The following CFAP70 variants were observed in gnomAD, a reference collection of about 807,000 sequenced individuals.
CFAP70 encodes cilia and flagella associated protein 70.
CFAP70 carries 81 observed loss-of-function variants against 137.6 expected under a neutral mutation model. The ratio of observed to expected loss-of-function variants is 0.59; its 90% CI spans 0.49 to 0.71. The LOEUF (loss-of-function observed/expected upper bound fraction) is 0.71, where lower values mean the gene tolerates loss of function less well. CFAP70 is among the 30% of genes least tolerant of loss of function. The pLI is 0.00. For missense variants in CFAP70, 976 were observed against 1,226.7 expected, an observed-to-expected ratio of 0.80 and a Z score of 3.05; for synonymous variants, 382 against 423.6, an observed-to-expected ratio of 0.90 and a Z score of 1.20.
Position 73,254,067 on chromosome 10 carries a change from A to G in CFAP70, c.3076-12T>C. ...TCTTTCAATTTCAGCTACATGAAAG[A>G]GGAAGAAAGGGAAAGATATATGTCA... On this transcript the variant is annotated splice_polypyrimidine_tract_variant and intron_variant, in intron 26 of 26. Coordinates refer to ENST00000310715, the Ensembl canonical transcript of CFAP70. 6.3e-7 allele frequency: 1 copy of G among 1,586,218 alleles called. No individual in the cohort carries two copies. The highest frequency in any genetic ancestry group is 8.6e-7 in the Non-Finnish European group (1 of 1,158,840).
At chr10:73,336,644 CGCGA>C (rs2052698318) in intron 6 of CFAP70, among the ~76,000 whole-genome samples, 1 of 139,814 alleles carries the variant, frequency 7.2e-6, no homozygotes, top group Non-Finnish European at 1.5e-5. Context: ...AGTGCAGTGG[CGCGA>C]TCTCGGCTCA....
chr10:73,279,521 C>CTCAA (rs1224302945), intron 19 of CFAP70, among the ~76,000 whole-genome samples: 7 of 108,234 alleles, frequency 6.5e-5, no homozygotes, highest in Admixed American at 1.2e-4. Context: ...AAGACTCTGT[C>CTCAA]TCAATAAATA....
intron 3 of CFAP70, among the ~76,000 whole-genome samples, chr10:73,349,640 C>A (rs535559593): frequency 6.6e-6 from 1 of 152,172 alleles, no homozygotes; most frequent in Non-Finnish European, 1.5e-5. Context: ...TGGAGTAATC[C>A]TGTAGCATGC....
chr10:73,343,647 T>TGGAGTGAGCTGAGA (rs1205470010), intron 5 of CFAP70, among the ~76,000 whole-genome samples: 1 of 151,972 alleles, frequency 6.6e-6, no homozygotes, highest in Non-Finnish European at 1.5e-5. Flanking sequence ...AGGCACAGGG[T>TGGAGTGAGCTGAGA]GGAGTGAGCT....
At chr10:73,353,723 G>A in exon 3 of CFAP70, 1 of 1,614,110 alleles carries the variant, frequency 6.2e-7, no homozygotes, top group African/African-American at 1.3e-5. Flanking sequence ...GGTAACTGGA[G>A]TATCTCCTTT....
At chr10:73,354,628 T>G in intron 2 of CFAP70, 106 bp downstream of exon 2, 1 of 845,210 alleles carries the variant, frequency 1.2e-6, no homozygotes, top group Middle Eastern at 2.7e-4. Flanking sequence ...ATGCCACTGC[T>G]ACATAAAGCC....
intron 9 of CFAP70, among the ~76,000 whole-genome samples, chr10:73,319,456 T>C (rs1421240240): frequency 1.3e-5 from 2 of 152,218 alleles, no homozygotes; most frequent in Non-Finnish European, 1.5e-5. Flanking sequence ...ACCTACCACT[T>C]GCAAGCCCCC....
At chr10:73,256,858 A>G (rs1273187612) in intron 25 of CFAP70, among the ~76,000 whole-genome samples, 41 of 147,580 alleles carry the variant, frequency 2.8e-4, no homozygotes, top group Non-Finnish European at 5.4e-4. Context: ...AGCCGACATC[A>G]TGCCACTGCA....
chr10:73,298,951 G>A, exon 14 of CFAP70: 3 of 1,613,980 alleles, frequency 1.9e-6, no homozygotes, highest in South Asian at 1.1e-5. Context: ...GAGCAATTAA[G>A]TTCATAGCTG....
At chr10:73,341,882 T>C (rs1351222847) in intron 5 of CFAP70, among the ~76,000 whole-genome samples, 2 of 152,242 alleles carry the variant, frequency 1.3e-5, no homozygotes, top group South Asian at 2.1e-4. Flanking sequence ...TTTTGAATTA[T>C]TGGCAAATTC....
chr10:73,265,059 C>T (rs1348462562), intron 25 of CFAP70, among the ~76,000 whole-genome samples: 2 of 152,194 alleles, frequency 1.3e-5, no homozygotes, highest in Non-Finnish European at 2.9e-5. Flanking sequence ...GGTGCGGTGG[C>T]TCACGCCTGT....
intron 19 of CFAP70, among the ~76,000 whole-genome samples, chr10:73,282,360 A>C (rs969895915): frequency 1.3e-5 from 2 of 152,008 alleles, no homozygotes; most frequent in Non-Finnish European, 2.9e-5. Context: ...ATCACAAAAC[A>C]TGAATGTCAC....
At chr10:73,329,450 C>G (rs1370411815) in intron 8 of CFAP70, among the ~76,000 whole-genome samples, 5 of 151,996 alleles carry the variant, frequency 3.3e-5, no homozygotes, top group African/African-American at 9.7e-5. Flanking sequence ...TGTAACTAAC[C>G]TGCACATTGT....
chr10:73,289,245 A>C (rs1189154282), intron 19 of CFAP70, among the ~76,000 whole-genome samples: 1 of 152,190 alleles, frequency 6.6e-6, no homozygotes, highest in East Asian at 1.9e-4. Context: ...AGACATACTT[A>C]AACTTTAGAA....
At chr10:73,327,059 C>T (rs2051518626) in intron 8 of CFAP70, among the ~76,000 whole-genome samples, 1 of 151,038 alleles carries the variant, frequency 6.6e-6, no homozygotes. Context: ...GACCAATATC[C>T]TTGATGAACA....
At chr10:73,318,000 A>C (rs2050539861) in intron 9 of CFAP70, among the ~76,000 whole-genome samples, 1 of 152,132 alleles carries the variant, frequency 6.6e-6, no homozygotes, top group African/African-American at 2.4e-5. Flanking sequence ...TCTTTCTCTC[A>C]CCATGTGACA....
chr10:73,330,003 T>C (rs1386423650), intron 8 of CFAP70, among the ~76,000 whole-genome samples: 1 of 152,200 alleles, frequency 6.6e-6, no homozygotes, highest in African/African-American at 2.4e-5. Flanking sequence ...AATAAATATA[T>C]TTTAACAGCG....
chr10:73,353,316 T>A (rs1176814819), intron 3 of CFAP70, among the ~76,000 whole-genome samples: 1 of 152,110 alleles, frequency 6.6e-6, no homozygotes, highest in Non-Finnish European at 1.5e-5. Context: ...CCCAAGCCCC[T>A]AGGTTTTGGA....
intron 6 of CFAP70, among the ~76,000 whole-genome samples, chr10:73,338,080 TAA>T (rs2052859752): frequency 6.6e-6 from 1 of 151,864 alleles, no homozygotes; most frequent in African/African-American, 2.4e-5. Flanking sequence ...TGTTTTCTTC[TAA>T]AAACATTTGA....
Sources: allele counts gnomAD v4.1 joint callset (sites outside exome capture counted in the v4.1 genomes callset), GRCh38; gene constraint gnomAD v4.1.1; transcripts MANE v1.5; gene names NCBI Gene and HGNC (gene_info 2026-07-23, HGNC 2026-07-21).